Variants in TMEM26 observed in about 807,000 individuals in gnomAD.
The protein encoded by TMEM26 is transmembrane protein 26.
Under a neutral mutation model 28.8 loss-of-function variants are expected in TMEM26, and 38 were observed. The ratio of observed to expected loss-of-function variants is 1.32; its 90% CI spans 1.02 to 1.73. TMEM26 has a LOEUF of 1.73. Ranked by LOEUF, TMEM26 falls within the 40% of genes most tolerant of loss-of-function variation. The pLI, the probability that TMEM26 is intolerant of heterozygous loss-of-function variation, is 0.00. For synonymous variants in TMEM26, 227 were observed against 182.9 expected (o/e 1.24, Z -1.95); for missense variants, 518 against 447.1 (o/e 1.16, Z -1.43).
chr10:61,427,487 G>T (rs1229358557), intron 4 of TMEM26, among the ~76,000 whole-genome samples: 1 of 152,006 alleles, frequency 6.6e-6, no homozygotes, highest in Non-Finnish European at 1.5e-5. Context: ...GTTCATTTGG[G>T]TTGTTTGTTT....
intron 1 of TMEM26, among the ~76,000 whole-genome samples, chr10:61,441,033 TG>T (rs1216140894): frequency 2.6e-5 from 4 of 152,232 alleles, no homozygotes; most frequent in African/African-American, 9.6e-5. Context: ...TGTACAGTAT[TG>T]TTTTTTATTT....
At chr10:61,446,529 G>T (rs1416526951) in intron 1 of TMEM26, among the ~76,000 whole-genome samples, 1 of 152,060 alleles carries the variant, frequency 6.6e-6, no homozygotes, top group Non-Finnish European at 1.5e-5. Context: ...CTTAAAAAAT[G>T]TATATACTGG....
chr10:61,420,796 G>A (rs1395255013), intron 4 of TMEM26, among the ~76,000 whole-genome samples: 2 of 151,410 alleles, frequency 1.3e-5, no homozygotes, highest in Admixed American at 1.3e-4. Flanking sequence ...AAGTCTTTCA[G>A]GTCGAAAGGA....
At chr10:61,441,269 T>C (rs1000141502) in intron 1 of TMEM26, among the ~76,000 whole-genome samples, 1 of 152,320 alleles carries the variant, frequency 6.6e-6, no homozygotes, top group Non-Finnish European at 1.5e-5. Context: ...TTCCTGACAC[T>C]CTGTTGCTGG....
At chr10:61,435,522 C>T (rs1309878775) in intron 2 of TMEM26, among the ~76,000 whole-genome samples, 1 of 152,188 alleles carries the variant, frequency 6.6e-6, no homozygotes, top group African/African-American at 2.4e-5. Flanking sequence ...TCTTCTAATA[C>T]ATATAAGCTC....
At chr10:61,417,222 C>A (rs181866856) in intron 4 of TMEM26, among the ~76,000 whole-genome samples, 1 of 151,956 alleles carries the variant, frequency 6.6e-6, no homozygotes, top group East Asian at 1.9e-4. Context: ...TGTAAGCAGA[C>A]AATGACTTGC....
At chr10:61,421,948 T>C (rs1839756201) in intron 4 of TMEM26, among the ~76,000 whole-genome samples, 1 of 152,034 alleles carries the variant, frequency 6.6e-6, no homozygotes, top group African/African-American at 2.4e-5. Flanking sequence ...CATATATATA[T>C]ATAATTTGAA....
At chr10:61,452,097 TG>T in intron 1 of TMEM26, among the ~76,000 whole-genome samples, 1 of 152,054 alleles carries the variant, frequency 6.6e-6, no homozygotes, top group Non-Finnish European at 1.5e-5. Context: ...CTCTGGGGGT[TG>T]GGGGAGGCTC....
rs532865277 is a variant in TMEM26, at chr10:61,442,827, C to T, written c.192-6579G>A. 5.3e-5 allele frequency among the ~76,000 whole-genome samples: 8 copies of T among 152,314 alleles called. 1 individual carries two copies. The South Asian group carries it at 1.7e-3, about 32-fold the overall frequency. ...TTAACATGTATGATTTCCATCAAGG[C>T]TGCTTGGCAAAGGCTTTCTGTTAGT... is the stretch of plus-strand genomic sequence containing the variant. On this transcript the variant is annotated intron_variant, in intron 1 of 5. Coordinates refer to ENST00000399298, the MANE Select transcript of TMEM26 (RefSeq NM_178505.8).
intron 4 of TMEM26, chr10:61,414,049 A>G: frequency 2.0e-6 from 2 of 987,308 alleles, no homozygotes; most frequent in Non-Finnish European, 2.4e-6. Context: ...ATAAACAAAG[A>G]TTTATACCAG....
At chr10:61,436,762 T>G (rs1347661553) in intron 1 of TMEM26, among the ~76,000 whole-genome samples, 4 of 152,186 alleles carry the variant, frequency 2.6e-5, no homozygotes, top group Non-Finnish European at 4.4e-5. Context: ...CCCATTGGCT[T>G]TGTGTGTGGT....
In TMEM26 at chr10:61,409,598, G is replaced by C. The variant is rs1428609899; in HGVS notation, c.*724C>G. The C allele has an allele frequency of 6.6e-6, 1 of 152,202 alleles. No homozygotes were observed. The highest frequency in any genetic ancestry group is 1.5e-5 in the Non-Finnish European group (1 of 68,074). The allele number at this position is 152,202 out of a possible 1,614,324, so 9.4% of individuals were successfully genotyped here. ...TGTTCAGAGTAGAAATTGTGACTTT[G>C]CTAGCATTTCACCAATATTTCCTGC... On this transcript the variant is annotated 3_prime_UTR_variant, in exon 6 of 6. Transcript: ENST00000399298.
intron 1 of TMEM26, among the ~76,000 whole-genome samples, chr10:61,437,133 C>G (rs1002728715): frequency 1.3e-5 from 2 of 152,188 alleles, no homozygotes; most frequent in Admixed American, 1.3e-4. Flanking sequence ...GACACGTAGA[C>G]AGTGCCTTCT....
intron 4 of TMEM26, 66 bp downstream of exon 4, chr10:61,428,860 A>G: frequency 7.3e-7 from 1 of 1,374,324 alleles, no homozygotes; most frequent in Non-Finnish European, 1.0e-6. Flanking sequence ...CAAGTCACAG[A>G]ACAAAGAGAC....
intron 4 of TMEM26, among the ~76,000 whole-genome samples, chr10:61,423,251 G>T (rs1416828123): frequency 6.6e-6 from 1 of 152,034 alleles, no homozygotes; most frequent in East Asian, 1.9e-4. Flanking sequence ...AGCTCCCTAG[G>T]TGAATTCTAT....
At chr10:61,412,336 G>C (rs570045005) in intron 5 of TMEM26, among the ~76,000 whole-genome samples, 199 of 152,172 alleles carry the variant, frequency 1.3e-3, no homozygotes, top group Non-Finnish European at 2.2e-3. Flanking sequence ...GCCACAGCAA[G>C]TTTTTCCATC....
chr10:61,428,853 G>T, intron 4 of TMEM26, 73 bp downstream of exon 4: 1 of 1,288,932 alleles, frequency 7.8e-7, no homozygotes, highest in Non-Finnish European at 1.1e-6. Context: ...TGAAATACAA[G>T]TCACAGAACA....
intron 4 of TMEM26, among the ~76,000 whole-genome samples, chr10:61,424,795 A>C (rs1329383818): frequency 2.0e-5 from 3 of 152,194 alleles, no homozygotes; most frequent in Non-Finnish European, 4.4e-5. Context: ...ATTTTTGACA[A>C]AGATGCTAAG....
chr10:61,425,621 G>A (rs558496122), intron 4 of TMEM26, among the ~76,000 whole-genome samples: 1 of 152,096 alleles, frequency 6.6e-6, no homozygotes, highest in South Asian at 2.1e-4. Context: ...AATAAAACAT[G>A]AAGAAAAATT....
Sources: allele counts gnomAD v4.1 joint callset (sites outside exome capture counted in the v4.1 genomes callset), GRCh38; gene constraint gnomAD v4.1.1; transcripts MANE v1.5; gene names NCBI Gene and HGNC (gene_info 2026-07-23, HGNC 2026-07-21).